The following PDE6H variants were observed in gnomAD, a reference collection of about 807,000 sequenced individuals.
The protein encoded by PDE6H is retinal cone rhodopsin-sensitive cGMP 3',5'-cyclic phosphodiesterase subunit gamma.
A neutral mutation model predicts 9.2 loss-of-function variants in PDE6H; 11 were observed. The observed-to-expected ratio is 1.19, with a 90% CI of 0.75 to 1.97. The LOEUF is 1.97. Among genes scored for constraint, PDE6H ranks in the 30% most tolerant of loss-of-function variants. PDE6H has a pLI of 0.00. For synonymous variants in PDE6H, 36 were observed against 33.6 expected, an observed-to-expected ratio of 1.07 and a Z score of -0.25; for missense variants, 98 against 101.5, an observed-to-expected ratio of 0.97 and a Z score of 0.15.
intron 1 of PDE6H, among the ~76,000 whole-genome samples, chr12:14,974,500 T>C (rs965631513): frequency 6.6e-6 from 1 of 152,358 alleles, no homozygotes; most frequent in Non-Finnish European, 1.5e-5. Context: ...GCTTCTTTCA[T>C]ATAATGCATC....
intron 2 of PDE6H, among the ~76,000 whole-genome samples, chr12:14,978,618 A>T (rs968350899): frequency 2.6e-5 from 4 of 151,840 alleles, no homozygotes; most frequent in Non-Finnish European, 5.9e-5. Flanking sequence ...GCTACTCCTG[A>T]CTCTCTTTAA....
intron 1 of PDE6H, among the ~76,000 whole-genome samples, chr12:14,975,398 T>A (rs2120818931): frequency 6.6e-6 from 1 of 152,176 alleles, no homozygotes; most frequent in Admixed American, 6.5e-5. Context: ...ATCTGGCAAT[T>A]CTAACCCTAA....
intron 1 of PDE6H, among the ~76,000 whole-genome samples, chr12:14,974,621 G>A (rs1248594587): frequency 6.6e-6 from 1 of 152,242 alleles, no homozygotes; most frequent in Admixed American, 6.5e-5. Context: ...GAATATGGAT[G>A]TCACGTGTGA....
chr12:14,977,426 A>G (rs113282857), intron 1 of PDE6H, among the ~76,000 whole-genome samples: 2,129 of 152,342 alleles, frequency 0.014, 52 homozygotes, highest in African/African-American at 0.048. Context: ...TGTAAAGCTT[A>G]AAGAAATTGC....
chr12:14,981,242 A>C (rs1421611435), intron 3 of PDE6H, among the ~76,000 whole-genome samples, 158 bp from the exon 4 acceptor site: 4 of 152,228 alleles, frequency 2.6e-5, no homozygotes, highest in Non-Finnish European at 5.9e-5. Context: ...AATTGGTCTG[A>C]TCCTTCCTGG....
In PDE6H at chr12:14,978,055, G is replaced by T. The variant is rs1417162255; in HGVS notation, c.43G>T (p.Gly15Cys). The T allele has an allele frequency of 2.5e-6, 4 of 1,613,508 alleles. No individual in the cohort carries two copies. Among genetic ancestry groups the T allele is most frequent in the Non-Finnish European group, 2.5e-6 (3 of 1,179,940 alleles). The part of the protein sequence containing the change: ...TTLPAPASNQ[G>C]PTTPRKGPPK... ...TCTGCCTGCTCCAGCTTCAAACCAGGGTCCTACCACCCCACGCAAAGGCCC... is the reference window on the plus strand; with the variant it reads ...TCTGCCTGCTCCAGCTTCAAACCAGTGTCCTACCACCCCACGCAAAGGCCC... Residue 15 changes from glycine to cysteine, a missense_variant, in exon 2 of 4, where the codon GGT becomes TGT. Coordinates refer to ENST00000266395, the MANE Select transcript of PDE6H (RefSeq NM_006205.3).
chr12:14,976,500 C>T (rs771626260), intron 1 of PDE6H, among the ~76,000 whole-genome samples: 9 of 151,982 alleles, frequency 5.9e-5, no homozygotes, highest in Non-Finnish European at 1.3e-4. Flanking sequence ...TTAGCACGAG[C>T]CAAAGACTGT....
At chr12:14,980,502 T>A (rs1370594132) in intron 3 of PDE6H, among the ~76,000 whole-genome samples, 1 of 152,254 alleles carries the variant, frequency 6.6e-6, no homozygotes, top group Non-Finnish European at 1.5e-5. Context: ...ACAGTAGCAC[T>A]TGTAGTAATC....
At chr12:14,974,267 G>A (rs1864560697) in intron 1 of PDE6H, among the ~76,000 whole-genome samples, 1 of 152,236 alleles carries the variant, frequency 6.6e-6, no homozygotes, top group Admixed American at 6.5e-5. Context: ...CATGAGGTTA[G>A]CCTTTGGTGA....
intron 1 of PDE6H, among the ~76,000 whole-genome samples, chr12:14,974,034 G>T (rs1864557454): frequency 6.6e-6 from 1 of 152,168 alleles, no homozygotes; most frequent in Non-Finnish European, 1.5e-5. Flanking sequence ...TTACTTTGCT[G>T]CATCCACTTA....
chr12:14,980,564 T>A (rs1864666741), intron 3 of PDE6H, among the ~76,000 whole-genome samples: 2 of 152,208 alleles, frequency 1.3e-5, no homozygotes, highest in Non-Finnish European at 2.9e-5. Flanking sequence ...CAAATACCAA[T>A]CCTGGGATCT....
chr12:14,980,964 C>A lies in PDE6H; in HGVS notation c.176-436C>A, dbSNP rs748485083. Among the ~76,000 whole-genome samples the A allele has an allele frequency of 6.6e-5, 10 of 152,142 alleles. 1 individual carries two copies. Among genetic ancestry groups the A allele is most frequent in the Non-Finnish European group, 1.5e-4 (10 of 68,042 alleles). ...TTCAAAATGTAAAGGAATAGAAGAA[C>A]AATTAGAGAAGAAACCGATCTAGAT... is the stretch of plus-strand genomic sequence containing the variant. On this transcript the variant is annotated intron_variant, in intron 3 of 3. Coordinates refer to ENST00000266395, the MANE Select transcript of PDE6H (RefSeq NM_006205.3).
intron 1 of PDE6H, among the ~76,000 whole-genome samples, chr12:14,977,751 G>T (rs1435065964): frequency 6.6e-6 from 1 of 152,114 alleles, no homozygotes; most frequent in Admixed American, 6.5e-5. Flanking sequence ...TGTAGCAGAA[G>T]GTAAGTTTCC....
intron 2 of PDE6H, 75 bp from the exon 3 acceptor site, chr12:14,979,103 GA>G: frequency 1.1e-6 from 1 of 936,754 alleles, no homozygotes. Flanking sequence ...CTTGAATCAA[GA>G]AACTCTCCAT....
chr12:14,977,837 C>T, intron 1 of PDE6H, 135 bp from the exon 2 acceptor site: 2 of 615,890 alleles, frequency 3.2e-6, no homozygotes, highest in Admixed American at 3.0e-5. Flanking sequence ...GATAACTTCT[C>T]CCCTTTTGTG....
intron 1 of PDE6H, among the ~76,000 whole-genome samples, chr12:14,974,739 G>A (rs901427548): frequency 6.6e-6 from 1 of 152,234 alleles, no homozygotes; most frequent in African/African-American, 2.4e-5. Context: ...GGTGTTTGAA[G>A]GAAGCAGAGA....
chr12:14,977,838 C>G (rs1864618761), intron 1 of PDE6H, 134 bp from the exon 2 acceptor site: 1 of 616,488 alleles, frequency 1.6e-6, no homozygotes. Flanking sequence ...ATAACTTCTC[C>G]CCTTTTGTGT....
intron 1 of PDE6H, among the ~76,000 whole-genome samples, chr12:14,975,712 C>T (rs768967799): frequency 2.0e-5 from 3 of 152,122 alleles, no homozygotes; most frequent in Non-Finnish European, 4.4e-5. Flanking sequence ...CAGTGCATTT[C>T]CTAAAGCCTG....
At position 14,981,795 on chromosome 12, in the gene PDE6H, T is replaced by C. The variant is rs3748304; in HGVS notation, c.*319T>C. 3.8e-3 allele frequency: 1,634 copies of C among 427,480 alleles called. 60 individuals are homozygous for C. The East Asian group carries it at 0.071, about 19-fold the overall frequency. The allele number at this position is 427,480 out of a possible 1,614,324, so 26.5% of individuals were successfully genotyped here. A position where few individuals can be genotyped will look rare whatever the true frequency, so the allele number is the denominator to read the frequency against. ...GCTAGGCATTCATTATGATTAATAG[T>C]AGACTTTTAAGACAACATTTATGTC... On this transcript the variant is annotated 3_prime_UTR_variant, in exon 4 of 4. Coordinates refer to ENST00000266395, the MANE Select transcript of PDE6H (RefSeq NM_006205.3).
Sources: allele counts gnomAD v4.1 joint callset (sites outside exome capture counted in the v4.1 genomes callset), GRCh38; gene constraint gnomAD v4.1.1; transcripts MANE v1.5; gene names NCBI Gene and HGNC (gene_info 2026-07-23, HGNC 2026-07-21).